The following RXRA variants were observed in gnomAD, a reference collection of about 807,000 sequenced individuals.
RXRA encodes the protein retinoic acid receptor RXR-alpha.
In RXRA, 5 loss-of-function variants were observed where a neutral mutation model predicts 44.5. The observed-to-expected ratio is 0.11, with a 90% CI of 0.06 to 0.24. The LOEUF is 0.24. Among genes scored for constraint, RXRA ranks in the 10% least tolerant of loss-of-function variants. The pLI, the probability that RXRA is intolerant of heterozygous loss-of-function variation, is 1.00. For missense variants in RXRA, 412 were observed against 646.5 expected, an observed-to-expected ratio of 0.64 and a Z score of 3.93; for synonymous variants, 291 against 271.4, an observed-to-expected ratio of 1.07 and a Z score of -0.71.
chr9:134,401,488 A>G, intron 1 of RXRA, 144 bp from the exon 2 acceptor site: 1 of 1,284,108 alleles, frequency 7.8e-7, no homozygotes, highest in Non-Finnish European at 1.1e-6. Context: ...TTTGCGTCAG[A>G]GAGCTGTCGA....
rs1404997240 is a variant in RXRA, at chr9:134,417,116, C to T, written c.611-42C>T. On this transcript the variant is annotated intron_variant, in intron 4 of 9. Coordinates refer to ENST00000481739, the MANE Select transcript of RXRA (RefSeq NM_002957.6). The surrounding 1 kb of genome is among the most constrained non-coding windows in gnomAD (Gnocchi z 6.1). ...GACAGCCTTCCCTGGGAGCCACTGG[C>T]CGGGCTGAGCGTGGGGCTCACCTGC... is the stretch of plus-strand genomic sequence containing the variant. The T allele has an allele frequency of 3.2e-6, 5 of 1,577,894 alleles. No individual in the cohort carries two copies. Among genetic ancestry groups the T allele is most frequent in the Middle Eastern group, 1.7e-4 (1 of 5,828 alleles).
intron 1 of RXRA, among the ~76,000 whole-genome samples, chr9:134,350,118 A>G (rs1395057162): frequency 3.9e-5 from 6 of 151,960 alleles, no homozygotes; most frequent in Non-Finnish European, 8.8e-5. Context: ...CAGAGATGCC[A>G]GGAGATGTCA....
chr9:134,424,737 A>T, intron 6 of RXRA: 1 of 985,394 alleles, frequency 1.0e-6, no homozygotes. Flanking sequence ...ACCTGGGTTA[A>T]CTCCAAGGAT....
chr9:134,370,694 C>T (rs1339144911), intron 1 of RXRA, among the ~76,000 whole-genome samples: 1 of 151,514 alleles, frequency 6.6e-6, no homozygotes, highest in Non-Finnish European at 1.5e-5. Context: ...CCCTGGGCTG[C>T]AGACTGGGGC....
rs535200079 is a variant in RXRA at position 134,356,581 on chromosome 9, C to T, written c.28+29922C>T. ...GGTCCGTGGCTGGAGAAGGTCCGTG[C>T]CTTGCCCAGAAGTGTGTCTTATCAC... On this transcript the variant is annotated intron_variant, in intron 1 of 9. Transcript: ENST00000481739. Among the ~76,000 whole-genome samples the T allele has an allele frequency of 3.9e-5, 6 of 152,318 alleles. No individual in the cohort carries two copies. In the South Asian group the frequency reaches 1.2e-3, roughly 32 times the overall value.
At chr9:134,336,282 C>T (rs150266517) in intron 1 of RXRA, among the ~76,000 whole-genome samples, 507 of 152,336 alleles carry the variant, frequency 3.3e-3, no homozygotes, top group Middle Eastern at 0.024. Flanking sequence ...CCATCCACCC[C>T]TCTGTCCTGT....
intron 9 of RXRA, among the ~76,000 whole-genome samples, chr9:134,434,873 C>CGGGGGGGGGG (rs1831591429): frequency 1.8e-5 from 2 of 108,866 alleles, no homozygotes; most frequent in African/African-American, 8.6e-5. Flanking sequence ...GGGAGGGGGT[C>CGGGGGGGGGG]GGGGGAGGTG....
At chr9:134,423,026 G>A (rs1831374304) in intron 6 of RXRA, 19 of 985,380 alleles carry the variant, frequency 1.9e-5, no homozygotes, top group South Asian at 9.4e-5. Context: ...CGGCCAGGAC[G>A]GTGGCTGGGA....
intron 1 of RXRA, among the ~76,000 whole-genome samples, chr9:134,369,564 C>T (rs1010546154): frequency 2.0e-5 from 3 of 151,768 alleles, no homozygotes; most frequent in East Asian, 1.9e-4. Context: ...GTTGTGCCTC[C>T]GGGGGCTTCT....
Position 134,436,971 on chromosome 9 carries a change from CG to C in RXRA, c.*361del. On this transcript the variant is annotated 3_prime_UTR_variant, in exon 10 of 10. Transcript: ENST00000481739. ...GCCCTGGAGCTGCAGGAGTTGGGAACGGGGCTTTTGTTTCCGTTGCTGTTTA... is the reference window on the plus strand; with the variant it reads ...GCCCTGGAGCTGCAGGAGTTGGGAACGGGCTTTTGTTTCCGTTGCTGTTTA... 4.0e-6 allele frequency: 1 copy of C among 248,810 alleles called. No individual in the cohort carries two copies. Among genetic ancestry groups the C allele is most frequent in the Non-Finnish European group, 7.8e-6 (1 of 127,702 alleles). 15.4% of individuals were successfully genotyped at this position (248,810 alleles called of 1,614,324 possible).
chr9:134,380,492 C>T (rs1292445678), intron 1 of RXRA, among the ~76,000 whole-genome samples: 1 of 78,768 alleles, frequency 1.3e-5, no homozygotes, highest in Non-Finnish European at 3.4e-5. Context: ...GTCAGGTGGG[C>T]GGCCCCCCCT....
At chr9:134,329,453 C>T (rs537903923) in intron 1 of RXRA, among the ~76,000 whole-genome samples, 6 of 152,288 alleles carry the variant, frequency 3.9e-5, no homozygotes, top group Non-Finnish European at 5.9e-5. Flanking sequence ...TGGCCCAGTC[C>T]GATGGTGGCC....
At chr9:134,428,297 G>A (rs56048306) in intron 6 of RXRA, among the ~76,000 whole-genome samples, 1 of 141,862 alleles carries the variant, frequency 7.0e-6, no homozygotes, top group African/African-American at 2.7e-5. Context: ...ATGTTGAGGG[G>A]CTGCTGTTAC....
chr9:134,397,923 T>A (rs753447677), intron 1 of RXRA, among the ~76,000 whole-genome samples: 13 of 152,234 alleles, frequency 8.5e-5, no homozygotes, highest in Admixed American at 2.0e-4. Context: ...GCCACGGAAG[T>A]CAGTGAAGAC....
intron 6 of RXRA, among the ~76,000 whole-genome samples, chr9:134,428,724 G>A (rs1391352210): frequency 6.6e-6 from 1 of 152,224 alleles, no homozygotes; most frequent in Admixed American, 6.5e-5. Context: ...ATCCCCGAGA[G>A]TCCTGGGACC....
chr9:134,363,821 G>A (rs1315308137), intron 1 of RXRA, among the ~76,000 whole-genome samples: 5 of 152,194 alleles, frequency 3.3e-5, no homozygotes, highest in South Asian at 2.1e-4. Flanking sequence ...TCCCGGGGCC[G>A]GAGGCGTGAC....
intron 4 of RXRA, among the ~76,000 whole-genome samples, chr9:134,413,672 G>A (rs1034574013): frequency 1.4e-4 from 21 of 152,192 alleles, no homozygotes; most frequent in African/African-American, 3.9e-4. Flanking sequence ...GATGCCCCTC[G>A]GCTCCGACAT....
intron 1 of RXRA, among the ~76,000 whole-genome samples, chr9:134,331,639 G>A (rs565683112): frequency 3.9e-5 from 6 of 152,386 alleles, no homozygotes; most frequent in African/African-American, 7.2e-5. Context: ...TGGCTGCAGC[G>A]GGTGCCTGCT....
intron 1 of RXRA, among the ~76,000 whole-genome samples, chr9:134,393,462 C>T (rs926312021): frequency 2.0e-5 from 3 of 152,112 alleles, no homozygotes; most frequent in African/African-American, 7.2e-5. Context: ...TAAGTGTGCC[C>T]CTTAGCGCCT....
Sources: allele counts gnomAD v4.1 joint callset (sites outside exome capture counted in the v4.1 genomes callset), GRCh38; gene constraint gnomAD v4.1.1; non-coding constraint Gnocchi (gnomAD v3.1); transcripts MANE v1.5; gene names NCBI Gene and HGNC (gene_info 2026-07-23, HGNC 2026-07-21).